COCH: variants seen among roughly 807,000 people sequenced by gnomAD.
COCH encodes the protein cochlin, also known as coagulation factor C homolog, cochlin (Limulus polyphemus).
Under a neutral mutation model 54.8 loss-of-function variants are expected in COCH, and 40 were observed. The ratio of observed to expected loss-of-function variants is 0.73; its 90% CI spans 0.57 to 0.95. COCH has a LOEUF of 0.95. Ranked by LOEUF, COCH falls within the 40% of genes least tolerant of loss-of-function variation. The pLI is 0.00. For synonymous variants in COCH, 256 were observed against 237.9 expected, an observed-to-expected ratio of 1.08 and a Z score of -0.70; for missense variants, 605 against 675.0, an observed-to-expected ratio of 0.90 and a Z score of 1.15.
At chr14:30,895,339 C>A, downstream of COCH, 3 of 1,453,970 alleles carry the variant, frequency 2.1e-6, no homozygotes, top group Non-Finnish European at 2.8e-6. Flanking sequence ...TATCAGTAAC[C>A]TTTCTGATGG....
chr14:30,882,893 A>C lies in COCH; in HGVS notation c.630-1660A>C, dbSNP rs76376022. Among the ~76,000 whole-genome samples, 813 of 152,362 alleles carry C rather than the reference A, an allele frequency of 5.3e-3. 5 individuals carry two copies. The highest frequency in any genetic ancestry group is 0.01 in the Middle Eastern group (3 of 294). On this transcript the variant is annotated intron_variant, in intron 8 of 11. Transcript: ENST00000396618. ...AACAGAGAAAGACCCCATCTCTAAA[A>C]AAACAAATAAATAGCGAAATTGCTT...
chr14:30,882,120 G>GTTTTTTTTGTTTTGTTTTGTTT, intron 8 of COCH, among the ~76,000 whole-genome samples: 1 of 67,914 alleles, frequency 1.5e-5, no homozygotes, highest in African/African-American at 6.6e-5. Flanking sequence ...CTATAAAATG[G>GTTTTTTTTGTTTTGTTTTGTTT]TTTTTTTTTT....
downstream of COCH, among the ~76,000 whole-genome samples, chr14:30,893,543 T>A (rs1176623926): frequency 2.0e-5 from 3 of 152,176 alleles, no homozygotes; most frequent in Non-Finnish European, 2.9e-5. Flanking sequence ...GTATGGCAAA[T>A]AGAACAACAC....
rs1055969879 is a variant in COCH at position 30,885,276 on chromosome 14, C to T, written c.734-118C>T. 3 of 995,808 alleles carry T rather than the reference C, an allele frequency of 3.0e-6. No individual in the cohort carries two copies. In the African/African-American group the frequency reaches 4.8e-5, roughly 16 times the overall value. The allele number at this position is 995,808 out of a possible 1,614,324, so 61.7% of individuals were successfully genotyped here. ...ATATAATTCTTTTTTGTGTGCCCCG[C>T]CCCACTGCCAGTTCTATATATAATT... On this transcript the variant is annotated intron_variant, in intron 9 of 11. Transcript: ENST00000396618.
rs760397052 is a variant in COCH, at chr14:30,874,963, C to G, written c.25C>G (p.Leu9Val). 2.3e-5 allele frequency: 37 copies of G among 1,613,384 alleles called. No homozygotes were observed. The highest frequency in any genetic ancestry group is 5.0e-5 in the Admixed American group (3 of 60,010). The change falls in exon 2 of 12, where the codon CTC (leucine) becomes GTC (valine). Residue 9 changes from leucine to valine, a missense_variant. Leu to Val is a conservative substitution (Grantham distance 32, BLOSUM62 1). Coordinates refer to ENST00000396618, the MANE Select transcript of COCH (RefSeq NM_004086.3). ...CATGTCCGCAGCCTGGATCCCGGCT[C>G]TCGGCCTCGGTGGGTGCGCGCCCCT... MSAAWIPA[L>V]GLGVCLLLLP... is the part of the protein sequence containing the mutation.
intron 1 of COCH, 132 bp downstream of exon 1, chr14:30,874,723 G>A (rs1895288901): frequency 1.6e-6 from 1 of 627,078 alleles, no homozygotes; most frequent in South Asian, 1.9e-5. Flanking sequence ...GTTGCACACC[G>A]ATCCTGGGCT....
downstream of COCH, chr14:30,894,875 A>T: frequency 2.4e-6 from 2 of 840,326 alleles, no homozygotes; most frequent in Non-Finnish European, 3.1e-6. Flanking sequence ...AAAATATTTT[A>T]AGTTAAATTT....
At chr14:30,895,159 T>C (rs894942405), downstream of COCH, 7 of 364,538 alleles carry the variant, frequency 1.9e-5, no homozygotes, top group East Asian at 1.9e-4. Context: ...AAAACAGATA[T>C]ACGCTCAGTT....
chr14:30,887,552 G>A (rs940026552), intron 11 of COCH, among the ~76,000 whole-genome samples: 8 of 152,024 alleles, frequency 5.3e-5, no homozygotes, highest in Non-Finnish European at 8.8e-5. Context: ...AGACATTAAC[G>A]TAATGTGTTA....
chr14:30,882,499 C>T (rs888154129), intron 8 of COCH, among the ~76,000 whole-genome samples: 1 of 151,094 alleles, frequency 6.6e-6, no homozygotes, highest in Non-Finnish European at 1.5e-5. Context: ...AAATGCCCTG[C>T]ATCCTGTTTT....
At chr14:30,883,215 A>T (rs1052012085) in intron 8 of COCH, among the ~76,000 whole-genome samples, 1 of 148,798 alleles carries the variant, frequency 6.7e-6, no homozygotes, top group Non-Finnish European at 1.5e-5. Flanking sequence ...ATCCTTACAT[A>T]TTTTTTTCTA....
In COCH at chr14:30,877,538, A is replaced by C. The variant is rs774308680; in HGVS notation, c.83-34A>C. ...CACCACTATGCCCCAAGAAGTCCTA[A>C]GAATGCTTACAATATTATCTCCTTT... On this transcript the variant is annotated intron_variant, in intron 3 of 11. Transcript: ENST00000396618. The surrounding 1 kb of genome is among the most constrained non-coding windows in gnomAD (Gnocchi z 8.6). The C allele has an allele frequency of 2.1e-5, 34 of 1,612,798 alleles. No individual in the cohort carries two copies. The highest frequency in any genetic ancestry group is 2.7e-5 in the Non-Finnish European group (32 of 1,179,948).
downstream of COCH, chr14:30,890,710 G>A (rs1403841988): frequency 5.8e-6 from 2 of 345,036 alleles, no homozygotes; most frequent in Non-Finnish European, 8.2e-6. Context: ...TTTAAATCAT[G>A]TAATAATACC....
rs146115619 is a variant in COCH at position 30,877,615 on chromosome 14, G to C, written c.126G>C (p.Arg42Ser). 52 of 1,614,088 alleles carry C rather than the reference G, an allele frequency of 3.2e-5. No homozygotes were observed. The highest frequency in any genetic ancestry group is 4.2e-5 in the Non-Finnish European group (50 of 1,180,046). The change falls in exon 4 of 12, where the codon AGG becomes AGC. Residue 42 changes from arginine to serine, a missense_variant. By Grantham distance (110) the Arg-to-Ser change is moderately radical. Coordinates refer to ENST00000396618, the MANE Select transcript of COCH (RefSeq NM_004086.3). The surrounding 1 kb of genome is among the most constrained non-coding windows in gnomAD (Gnocchi z 8.6). ...GTTTTACCAGAGGCTTGGACATCAGGAAAGAGAAAGCAGATGTCCTCTGCC... is the reference window on the plus strand; with the variant it reads ...GTTTTACCAGAGGCTTGGACATCAGCAAAGAGAAAGCAGATGTCCTCTGCC... ...ITCFTRGLDIRKEKADVLCPG... is the reference protein window; with the variant it reads ...ITCFTRGLDISKEKADVLCPG...
At position 30,874,945 on chromosome 14, in the gene COCH, G is replaced by C. The variant is rs544874880; in HGVS notation, c.7G>C (p.Ala3Pro). 1.4e-5 allele frequency: 22 copies of C among 1,613,316 alleles called. No homozygotes were observed. Among genetic ancestry groups the C allele is most frequent in the Non-Finnish European group, 1.8e-5 (21 of 1,179,822 alleles). The change falls in exon 2 of 12, where the codon GCA becomes CCA. Residue 3 changes from alanine (A) to proline (P), a missense_variant. By Grantham distance (27) the Ala-to-Pro change is conservative. Coordinates refer to ENST00000396618, the MANE Select transcript of COCH (RefSeq NM_004086.3). MSAAWIPALGLGV... is the reference protein window; with the variant it reads MSPAWIPALGLGV... ...GAGCAGCCTATCAGTCACCATGTCCGCAGCCTGGATCCCGGCTCTCGGCCT... is the reference window on the plus strand; with the variant it reads ...GAGCAGCCTATCAGTCACCATGTCCCCAGCCTGGATCCCGGCTCTCGGCCT...
At chr14:30,879,636 G>A in intron 6 of COCH, 151 bp downstream of exon 6, 2 of 773,678 alleles carry the variant, frequency 2.6e-6, no homozygotes, top group South Asian at 2.9e-5. Context: ...ATTACATATG[G>A]AAACATTCAT....
At position 30,877,822 on chromosome 14, in the gene COCH, T is replaced by C. The variant is rs951844117; in HGVS notation, c.239+94T>C. On this transcript the variant is annotated intron_variant, in intron 4 of 11. Coordinates refer to ENST00000396618, the MANE Select transcript of COCH (RefSeq NM_004086.3). This position sits in a 1 kb window ranked among gnomAD's most constrained non-coding sequence, Gnocchi z 8.6. ...CTGGATCCCTTTCCTCCCTGCATTC[T>C]TTCTTTTGTTGCCATTGTGGCCACA... The C allele has an allele frequency of 1.2e-5, 19 of 1,585,540 alleles. No homozygotes were observed. Among genetic ancestry groups the C allele is most frequent in the Non-Finnish European group, 1.5e-5 (18 of 1,167,202 alleles).
chr14:30,891,050 A>T (rs1313186665), downstream of COCH, among the ~76,000 whole-genome samples: 1 of 152,140 alleles, frequency 6.6e-6, no homozygotes, highest in Non-Finnish European at 1.5e-5. Flanking sequence ...AAAATAAAAA[A>T]AAAAATAAAA....
chr14:30,885,835 C>G lies in COCH; in HGVS notation c.1000C>G (p.Pro334Ala). 1 of 1,614,104 alleles carries G rather than the reference C, an allele frequency of 6.2e-7. No homozygotes were observed. Among genetic ancestry groups the G allele is most frequent in the Non-Finnish European group, 8.5e-7 (1 of 1,179,982 alleles). The change falls in exon 11 of 12, where the codon CCC becomes GCC. Residue 334 changes from proline to alanine, a missense_variant. Coordinates refer to ENST00000396618, the MANE Select transcript of COCH (RefSeq NM_004086.3). ...RNNGFFSYHM[P>A]NWFGTTKYVK... ...TAATGGCTTCTTCTCTTACCACATG[C>G]CCAACTGGTTTGGCACCACAAAATA...
Sources: gnomAD v4.1 joint callset for allele counts (sites outside exome capture counted in the v4.1 genomes callset) on GRCh38, gnomAD v4.1.1 for gene constraint, Gnocchi (gnomAD v3.1) non-coding constraint, MANE v1.5 for transcripts, NCBI Gene and HGNC (gene_info 2026-07-23, HGNC 2026-07-21) for gene names.